Variants in ARMC2 observed in about 807,000 individuals in gnomAD.
ARMC2 encodes the protein armadillo repeat-containing protein 2.
ARMC2 carries 67 observed loss-of-function variants against 90.3 expected under a neutral mutation model. The ratio of observed to expected loss-of-function variants is 0.74; its 90% CI spans 0.61 to 0.91. The LOEUF is 0.91. Ranked by LOEUF, ARMC2 falls within the 40% of genes least tolerant of loss-of-function variation. ARMC2 has a pLI of 0.00. For missense variants in ARMC2, 920 were observed against 1,030.9 expected, an observed-to-expected ratio of 0.89 and a Z score of 1.47; for synonymous variants, 393 against 393.0, an observed-to-expected ratio of 1.00 and a Z score of 0.00.
At chr6:109,001,421 C>T in the ARMC2 span, 1 of 1,613,780 alleles carries the variant, frequency 6.2e-7, no homozygotes, top group Non-Finnish European at 8.5e-7. Context: ...ATCCAAACGG[C>T]CCAAAGCAGC....
chr6:108,859,259 C>T (rs1008038169), intron 3 of ARMC2, among the ~76,000 whole-genome samples: 1 of 152,144 alleles, frequency 6.6e-6, no homozygotes, highest in African/African-American at 2.4e-5. Flanking sequence ...CCTGCCCAAC[C>T]ACTTTCCCTG....
At chr6:108,990,763 C>G in the ARMC2 span, 5 of 1,614,088 alleles carry the variant, frequency 3.1e-6, no homozygotes, top group East Asian at 1.1e-4. Context: ...TGAAATTTTT[C>G]ATCAATCAAC....
chr6:108,949,300 C>T (rs1206974900), intron 12 of ARMC2, among the ~76,000 whole-genome samples: 1 of 152,082 alleles, frequency 6.6e-6, no homozygotes, highest in Non-Finnish European at 1.5e-5. Flanking sequence ...GTAAAAGATA[C>T]TGTGAATAGC....
chr6:108,970,590 TG>T (rs1268980739), intron 17 of ARMC2, among the ~76,000 whole-genome samples: 1 of 145,446 alleles, frequency 6.9e-6, no homozygotes, highest in Non-Finnish European at 1.5e-5. Context: ...CTCTGCCTCC[TG>T]GGTTCAAGTG....
At chr6:108,909,670 G>A (rs1457701119) in intron 8 of ARMC2, among the ~76,000 whole-genome samples, 2 of 152,010 alleles carry the variant, frequency 1.3e-5, no homozygotes, top group Admixed American at 1.3e-4. Context: ...TGAGTAGCTG[G>A]GATTACAGGC....
At chr6:108,967,034 G>A (rs974391084) in intron 17 of ARMC2, among the ~76,000 whole-genome samples, 1 of 152,198 alleles carries the variant, frequency 6.6e-6, no homozygotes, top group African/African-American at 2.4e-5. Context: ...AGCCGTGGGC[G>A]TCATGAGCTC....
At position 108,947,567 on chromosome 6, in the gene ARMC2, C is replaced by T. The variant is rs910781731; in HGVS notation, c.1597-5466C>T. Among the ~76,000 whole-genome samples the T allele has an allele frequency of 2.0e-5, 3 of 152,168 alleles. No individual in the cohort carries two copies. In the South Asian group the frequency reaches 6.2e-4, roughly 32 times the overall value. ...CAGTGCCCTGTTCCTGGTTTTATTCCAGTTAAAGTAATTTCATTCACAGGC... is the reference window on the plus strand; with the variant it reads ...CAGTGCCCTGTTCCTGGTTTTATTCTAGTTAAAGTAATTTCATTCACAGGC... On this transcript the variant is annotated intron_variant, in intron 12 of 17. Transcript: ENST00000392644.
intron 10 of ARMC2, among the ~76,000 whole-genome samples, chr6:108,926,104 T>A (rs1040848): frequency 0.72 from 109,473 of 152,038 alleles, 39,899 homozygotes; most frequent in Middle Eastern, 0.8. Context: ...AGCTTAGATG[T>A]GGGGAGCGTG....
At chr6:108,998,624 A>G in the ARMC2 span, 2 of 1,613,916 alleles carry the variant, frequency 1.2e-6, no homozygotes, top group African/African-American at 2.7e-5. Context: ...TGTGGCCACC[A>G]TCACAATGAA....
chr6:108,964,155 C>T, intron 15 of ARMC2, 25 bp from the exon 16 acceptor site: 1 of 1,602,480 alleles, frequency 6.2e-7, no homozygotes, highest in African/African-American at 1.3e-5. Flanking sequence ...TTTTACTGGT[C>T]TGCATTTGCT....
the ARMC2 span, among the ~76,000 whole-genome samples, chr6:109,039,156 G>A: frequency 6.6e-6 from 1 of 151,758 alleles, no homozygotes; most frequent in Non-Finnish European, 1.5e-5. Context: ...GAAGGAAGGA[G>A]GAGGAGGAGA....
intron 13 of ARMC2, among the ~76,000 whole-genome samples, chr6:108,955,495 T>C (rs1457066226): frequency 1.3e-5 from 2 of 152,210 alleles, no homozygotes; most frequent in Admixed American, 6.5e-5. Context: ...CAGTGAGATA[T>C]AGTGACTTTC....
At chr6:108,955,041 T>G (rs1215540049) in intron 13 of ARMC2, among the ~76,000 whole-genome samples, 1 of 152,126 alleles carries the variant, frequency 6.6e-6, no homozygotes, top group Non-Finnish European at 1.5e-5. Flanking sequence ...CTTCTACTTC[T>G]TGTAAGGGTA....
At chr6:109,035,380 TG>T in the ARMC2 span, among the ~76,000 whole-genome samples, 1 of 152,148 alleles carries the variant, frequency 6.6e-6, no homozygotes, top group Non-Finnish European at 1.5e-5. Flanking sequence ...ACTACACCTC[TG>T]TGGTCCCAAA....
At chr6:108,935,859 G>T (rs9386764) in intron 11 of ARMC2, among the ~76,000 whole-genome samples, 39,958 of 151,394 alleles carry the variant, frequency 0.26, 5,649 homozygotes, top group East Asian at 0.4. Flanking sequence ...CAAAAAAAAG[G>T]TTTTTTTAAA....
the ARMC2 span, among the ~76,000 whole-genome samples, chr6:109,048,062 C>T: frequency 6.7e-6 from 1 of 149,478 alleles, no homozygotes. Context: ...CCAAATCCCC[C>T]TCTGTGAGAA....
chr6:108,932,478 C>T (rs1360476459), intron 11 of ARMC2, among the ~76,000 whole-genome samples: 5 of 144,654 alleles, frequency 3.5e-5, no homozygotes, highest in South Asian at 4.4e-4. Flanking sequence ...CCTGTTACCC[C>T]GTGATTATTT....
chr6:108,884,793 C>T (rs1357374379), intron 5 of ARMC2, among the ~76,000 whole-genome samples: 6 of 151,958 alleles, frequency 3.9e-5, no homozygotes, highest in East Asian at 3.9e-4. Flanking sequence ...ATGTGAAGGA[C>T]GAATGGGGAG....
the ARMC2 span, among the ~76,000 whole-genome samples, chr6:109,031,339 G>A: frequency 6.6e-6 from 1 of 152,162 alleles, no homozygotes; most frequent in Non-Finnish European, 1.5e-5. Context: ...CTGTGCATGA[G>A]AAGCTCAAGG....
Sources: gnomAD v4.1 joint callset for allele counts (sites outside exome capture counted in the v4.1 genomes callset) on GRCh38, gnomAD v4.1.1 for gene constraint, MANE v1.5 for transcripts, NCBI Gene and HGNC (gene_info 2026-07-23, HGNC 2026-07-21) for gene names.